Variants in CCDC12 observed in about 807,000 individuals in gnomAD.
CCDC12 encodes the protein coiled-coil domain containing 12, also known as coiled-coil domain-containing protein 12.
A neutral mutation model predicts 25.7 loss-of-function variants in CCDC12; 28 were observed. That is an observed-to-expected ratio of 1.09 (90% CI 0.81 to 1.50). The LOEUF (loss-of-function observed/expected upper bound fraction) is 1.50, where lower values mean the gene tolerates loss of function less well. Among genes scored for constraint, CCDC12 ranks in the 40% most tolerant of loss-of-function variants. The probability of loss-of-function intolerance (pLI) is 0.00; values close to 1 mark genes in which losing one functional copy is unlikely to be tolerated. For synonymous variants in CCDC12, 75 were observed against 87.7 expected (o/e 0.86, Z 0.81); for missense variants, 198 against 210.0 (o/e 0.94, Z 0.35).
chr3:46,978,811 G>A (rs1410618827), upstream of CCDC12, among the ~76,000 whole-genome samples: 1 of 151,986 alleles, frequency 6.6e-6, no homozygotes, highest in East Asian at 1.9e-4. Flanking sequence ...GTGGAACCCC[G>A]TCTCTACTAA....
chr3:46,932,080 A>C (rs1384885585), intron 2 of CCDC12, among the ~76,000 whole-genome samples: 2 of 152,198 alleles, frequency 1.3e-5, no homozygotes, highest in Admixed American at 1.3e-4. Context: ...ACCCCAAATG[A>C]GGTACACAAC....
At chr3:46,967,686 G>C (rs2034681527) in intron 1 of CCDC12, among the ~76,000 whole-genome samples, 1 of 152,152 alleles carries the variant, frequency 6.6e-6, no homozygotes, top group Admixed American at 6.5e-5. Flanking sequence ...AGCCCCTTGA[G>C]GCAAGGAGGA....
intron 2 of CCDC12, among the ~76,000 whole-genome samples, chr3:46,935,498 G>C (rs1209043826): frequency 1.3e-5 from 2 of 151,550 alleles, no homozygotes; most frequent in Non-Finnish European, 2.9e-5. Context: ...AAGTGACGGA[G>C]AGCTTTTTAA....
intron 1 of CCDC12, among the ~76,000 whole-genome samples, chr3:46,967,030 G>A (rs911873106): frequency 2.6e-5 from 4 of 152,112 alleles, no homozygotes; most frequent in African/African-American, 9.7e-5. Flanking sequence ...TGTGGTCTAA[G>A]CTCTGTCACC....
At chr3:46,960,912 A>G (rs903378308) in intron 1 of CCDC12, among the ~76,000 whole-genome samples, 5 of 151,004 alleles carry the variant, frequency 3.3e-5, no homozygotes, top group Non-Finnish European at 7.4e-5. Context: ...TGTGTATGAG[A>G]TATGTATTGG....
chr3:46,964,299 G>A (rs1198501378), intron 1 of CCDC12, among the ~76,000 whole-genome samples: 3 of 149,432 alleles, frequency 2.0e-5, no homozygotes, highest in East Asian at 2.0e-4. Context: ...GTCAGCCCCC[G>A]CCCGGCCAGC....
chr3:46,969,133 C>G (rs904664206), intron 1 of CCDC12, among the ~76,000 whole-genome samples: 3 of 152,128 alleles, frequency 2.0e-5, no homozygotes, highest in Non-Finnish European at 4.4e-5. Context: ...ACCCAGCATA[C>G]TAGGCCTCTC....
chr3:46,962,007 A>C (rs2034478503), intron 1 of CCDC12, among the ~76,000 whole-genome samples: 1 of 152,222 alleles, frequency 6.6e-6, no homozygotes, highest in African/African-American at 2.4e-5. Context: ...AAAACAAGCA[A>C]ACTTCTAGAT....
At chr3:46,962,025 TAA>T (rs1191646891) in intron 1 of CCDC12, among the ~76,000 whole-genome samples, 1 of 152,164 alleles carries the variant, frequency 6.6e-6, no homozygotes, top group Non-Finnish European at 1.5e-5. Context: ...GATTATAACA[TAA>T]AAGAATATCA....
In CCDC12 at chr3:46,974,065, A is replaced by G. The variant is rs184421151; in HGVS notation, c.96+2572T>C. ...ATGCTACAACATGGATGAAGTGTGAAGACATGCTAAGTAAAATAAGCCAGT... is the reference window on the plus strand; with the variant it reads ...ATGCTACAACATGGATGAAGTGTGAGGACATGCTAAGTAAAATAAGCCAGT... On this transcript the variant is annotated intron_variant, in intron 1 of 6. Coordinates refer to ENST00000683445, the MANE Select transcript of CCDC12 (RefSeq NM_001277074.2). 3.7e-3 allele frequency among the ~76,000 whole-genome samples: 564 copies of G among 152,352 alleles called. 4 individuals are homozygous for G. Among genetic ancestry groups the G allele is most frequent in the African/African-American group, 0.013 (539 of 41,584 alleles).
At chr3:46,976,604 C>A in intron 1 of CCDC12, 33 bp downstream of exon 1, 1 of 1,595,638 alleles carries the variant, frequency 6.3e-7, no homozygotes, top group Non-Finnish European at 8.5e-7. Flanking sequence ...ACGCTGGACG[C>A]CTCAACTGCG....
At chr3:46,964,285 G>C (rs2034568745) in intron 1 of CCDC12, among the ~76,000 whole-genome samples, 1 of 150,626 alleles carries the variant, frequency 6.6e-6, no homozygotes, top group Admixed American at 6.6e-5. Context: ...GGAGGGAGGT[G>C]GGGGTCAGCC....
intron 3 of CCDC12, chr3:46,924,971 G>A (rs1210364909): frequency 1.6e-5 from 5 of 310,370 alleles, no homozygotes; most frequent in South Asian, 8.3e-5. Flanking sequence ...CTGTTCCCAC[G>A]CCATGGCAAG....
intron 3 of CCDC12, chr3:46,925,216 C>T (rs1483660353): frequency 5.9e-6 from 4 of 680,800 alleles, no homozygotes; most frequent in South Asian, 3.0e-5. Flanking sequence ...TGGGAGGCCT[C>T]GGTCTCAGGG....
intron 1 of CCDC12, among the ~76,000 whole-genome samples, chr3:46,957,871 T>G (rs1219226183): frequency 1.3e-5 from 2 of 151,512 alleles, no homozygotes; most frequent in Admixed American, 6.6e-5. Flanking sequence ...TAAACCCAGG[T>G]GGAGGAGGTT....
At chr3:46,951,229 G>A (rs562872003) in intron 1 of CCDC12, among the ~76,000 whole-genome samples, 17 of 152,288 alleles carry the variant, frequency 1.1e-4, no homozygotes, top group Non-Finnish European at 2.1e-4. Flanking sequence ...TGCAGGAGAG[G>A]TGGAGAAAGT....
At chr3:46,967,597 C>A (rs894575073) in intron 1 of CCDC12, among the ~76,000 whole-genome samples, 3 of 152,178 alleles carry the variant, frequency 2.0e-5, no homozygotes, top group African/African-American at 7.2e-5. Context: ...AACACACACA[C>A]CACATTCCCA....
At chr3:46,970,608 G>C (rs2034775791) in intron 1 of CCDC12, among the ~76,000 whole-genome samples, 1 of 152,236 alleles carries the variant, frequency 6.6e-6, no homozygotes, top group Non-Finnish European at 1.5e-5. Flanking sequence ...TTGACAGCCA[G>C]ACCTCAGCCC....
intron 1 of CCDC12, among the ~76,000 whole-genome samples, chr3:46,957,584 G>A (rs570700645): frequency 9.9e-5 from 15 of 152,240 alleles, no homozygotes; most frequent in African/African-American, 3.6e-4. Flanking sequence ...GTGTGTGGCA[G>A]GCCAGGTCTC....
Sources: gnomAD v4.1 joint callset for allele counts (sites outside exome capture counted in the v4.1 genomes callset) on GRCh38, gnomAD v4.1.1 for gene constraint, MANE v1.5 for transcripts, NCBI Gene and HGNC (gene_info 2026-07-23, HGNC 2026-07-21) for gene names.